Variants in SAP30BP observed in about 807,000 individuals in gnomAD.
SAP30BP encodes SAP30-binding protein.
In SAP30BP, 31 loss-of-function variants were observed where a neutral mutation model predicts 46.3. The observed-to-expected ratio is 0.67, with a 90% CI of 0.50 to 0.90. The LOEUF (loss-of-function observed/expected upper bound fraction) is 0.90. Among genes scored for constraint, SAP30BP ranks in the 40% least tolerant of loss-of-function variants. SAP30BP has a pLI of 0.00. For synonymous variants in SAP30BP, 169 were observed against 144.2 expected, an observed-to-expected ratio of 1.17 and a Z score of -1.23; for missense variants, 312 against 391.0, an observed-to-expected ratio of 0.80 and a Z score of 1.70.
chr17:75,672,926 G>A (rs911606260), intron 3 of SAP30BP, among the ~76,000 whole-genome samples: 1 of 151,072 alleles, frequency 6.6e-6, no homozygotes, highest in Non-Finnish European at 1.5e-5. Flanking sequence ...ATCTGCCAAT[G>A]CACTCCAACC....
At chr17:75,700,872 A>T (rs1372574578) in intron 5 of SAP30BP, among the ~76,000 whole-genome samples, 1 of 152,214 alleles carries the variant, frequency 6.6e-6, no homozygotes, top group Non-Finnish European at 1.5e-5. Flanking sequence ...GACCCTCCTG[A>T]TGGTGGAAAC....
chr17:75,673,084 G>A (rs2059930911), intron 3 of SAP30BP, among the ~76,000 whole-genome samples: 1 of 152,124 alleles, frequency 6.6e-6, no homozygotes, highest in South Asian at 2.1e-4. Flanking sequence ...AAAATATAGT[G>A]TGAGCTGTTC....
rs182936470 is a variant in SAP30BP, at chr17:75,668,164, G to A, written c.107-352G>A. 2.6e-3 allele frequency: 552 copies of A among 214,098 alleles called. 5 individuals carry two copies. The highest frequency in any genetic ancestry group is 0.011 in the African/African-American group (465 of 43,462). The allele number at this position is 214,098 out of a possible 1,614,324, so 13.3% of individuals were successfully genotyped here. A position where few individuals can be genotyped will look rare whatever the true frequency, so the allele number is the denominator to read the frequency against. On this transcript the variant is annotated intron_variant, in intron 1 of 10. Transcript: ENST00000584667. ...CTCATCTGGAAAGTGAAGGGGATTG[G>A]ATTAGGTTAGGTACTTCCATGTTTT...
At chr17:75,677,274 T>G (rs1003818461) in intron 3 of SAP30BP, among the ~76,000 whole-genome samples, 3 of 151,536 alleles carry the variant, frequency 2.0e-5, no homozygotes, top group African/African-American at 7.3e-5. Flanking sequence ...CCGGCTAATT[T>G]TTGTGTTTTT....
intron 3 of SAP30BP, among the ~76,000 whole-genome samples, chr17:75,681,933 T>G (rs1030127470): frequency 6.6e-6 from 1 of 152,150 alleles, no homozygotes; most frequent in Non-Finnish European, 1.5e-5. Flanking sequence ...AAACAGGTTG[T>G]TTGTGTGCCT....
chr17:75,694,238 T>G (rs963225956), intron 4 of SAP30BP, among the ~76,000 whole-genome samples: 4 of 152,312 alleles, frequency 2.6e-5, no homozygotes, highest in Admixed American at 1.3e-4. Context: ...CTGGGGGTTC[T>G]GAGCCCAGGG....
At chr17:75,677,579 G>C (rs1173424220) in intron 3 of SAP30BP, among the ~76,000 whole-genome samples, 2 of 150,076 alleles carry the variant, frequency 1.3e-5, no homozygotes, top group Admixed American at 1.3e-4. Context: ...TTACAGATGT[G>C]AACCACCGTG....
At position 75,707,435 on chromosome 17, in the gene SAP30BP, CA is replaced by C. The variant is rs548355432; in HGVS notation, c.*915del. 2.8e-3 allele frequency: 425 copies of C among 152,844 alleles called. 2 individuals are homozygous for C. The highest frequency in any genetic ancestry group is 0.013 in the Middle Eastern group (4 of 298). 9.5% of individuals were successfully genotyped at this position (152,844 alleles called of 1,614,324 possible). On this transcript the variant is annotated 3_prime_UTR_variant, in exon 11 of 11. Transcript: ENST00000584667. The stretch of plus-strand genomic sequence containing the variant: ...CGGGGTTGAAACGGGTTTCCCAGAC[CA>C]GGGGTTCAGAGGAGACTATTTACCC...
intron 4 of SAP30BP, among the ~76,000 whole-genome samples, chr17:75,696,254 G>A (rs549997144): frequency 7.5e-4 from 114 of 152,268 alleles, no homozygotes; most frequent in African/African-American, 2.5e-3. Flanking sequence ...GTGGGGCTCA[G>A]CTGGTCGCAG....
chr17:75,684,986 C>T (rs115410783), intron 3 of SAP30BP, among the ~76,000 whole-genome samples: 1,792 of 152,240 alleles, frequency 0.012, 32 homozygotes, highest in African/African-American at 0.041. Context: ...CATTATTCTC[C>T]CTCTGACCCC....
chr17:75,703,554 T>C, intron 7 of SAP30BP, 183 bp downstream of exon 7: 1 of 644,382 alleles, frequency 1.6e-6, no homozygotes. Flanking sequence ...GAGATTCCGG[T>C]GGCCGGCCTG....
Position 75,694,762 on chromosome 17 carries a change from C to T in SAP30BP, c.307+1280C>T, listed in dbSNP as rs537459206. On this transcript the variant is annotated intron_variant, in intron 4 of 10. Coordinates refer to ENST00000584667, the MANE Select transcript of SAP30BP (RefSeq NM_013260.8). Reference sequence around the variant, plus strand: ...CAGAGAGCAGCCTGTCACGTGCCAACGCAGAGATGCCCTTGCTCTTGCTAG... The same window carrying T: ...CAGAGAGCAGCCTGTCACGTGCCAATGCAGAGATGCCCTTGCTCTTGCTAG... Among the ~76,000 whole-genome samples, 14 of 152,342 alleles carry T rather than the reference C, an allele frequency of 9.2e-5. No individual in the cohort carries two copies. The East Asian group carries it at 1.9e-3, about 21-fold the overall frequency.
intron 3 of SAP30BP, among the ~76,000 whole-genome samples, chr17:75,681,337 G>A (rs1683781663): frequency 6.6e-6 from 1 of 152,172 alleles, no homozygotes; most frequent in Non-Finnish European, 1.5e-5. Context: ...TCCTCTGGAG[G>A]CCCAGCCGGG....
At chr17:75,682,611 T>A (rs1386670231) in intron 3 of SAP30BP, among the ~76,000 whole-genome samples, 1 of 152,200 alleles carries the variant, frequency 6.6e-6, no homozygotes, top group Non-Finnish European at 1.5e-5. Context: ...TGCTGTACTG[T>A]ATAATTATAA....
chr17:75,673,843 G>A (rs1235105349), intron 3 of SAP30BP, among the ~76,000 whole-genome samples: 1 of 152,148 alleles, frequency 6.6e-6, no homozygotes, highest in Non-Finnish European at 1.5e-5. Flanking sequence ...CCTACATCAC[G>A]GCTGACAGCC....
chr17:75,685,513 C>T (rs1277593125), intron 3 of SAP30BP, among the ~76,000 whole-genome samples: 2 of 152,180 alleles, frequency 1.3e-5, no homozygotes, highest in Non-Finnish European at 2.9e-5. Context: ...ATTTCTGTCA[C>T]CCTGACTTTC....
intron 6 of SAP30BP, chr17:75,702,790 C>T: frequency 7.8e-6 from 3 of 383,096 alleles, no homozygotes; most frequent in Non-Finnish European, 1.4e-5. Context: ...CATACCGAGA[C>T]CTAGACGGGG....
At chr17:75,693,598 T>A (rs2060271598) in intron 4 of SAP30BP, 116 bp downstream of exon 4, 1 of 823,802 alleles carries the variant, frequency 1.2e-6, no homozygotes, top group Non-Finnish European at 1.9e-6. Flanking sequence ...AGCACTGTTG[T>A]CCCTTTGGCT....
At chr17:75,691,696 G>T (rs1248383984) in intron 3 of SAP30BP, 2 of 340,894 alleles carry the variant, frequency 5.9e-6, no homozygotes, top group African/African-American at 2.2e-5. Context: ...AAGGGTGAGT[G>T]GGGGCTGGAG....
Sources: gnomAD v4.1 joint callset for allele counts (sites outside exome capture counted in the v4.1 genomes callset) on GRCh38, gnomAD v4.1.1 for gene constraint, MANE v1.5 for transcripts, NCBI Gene and HGNC (gene_info 2026-07-23, HGNC 2026-07-21) for gene names.